The following TLL1 variants were observed in gnomAD, a reference collection of about 807,000 sequenced individuals.
TLL1 encodes the protein tolloid-like protein 1.
TLL1 carries 49 observed loss-of-function variants against 128.2 expected under a neutral mutation model. The ratio of observed to expected loss-of-function variants is 0.38; its 90% CI spans 0.30 to 0.48. TLL1 has a LOEUF of 0.48. Ranked by LOEUF, TLL1 falls within the 20% of genes least tolerant of loss-of-function variation. The pLI, the probability that TLL1 is intolerant of heterozygous loss-of-function variation, is 0.96. For missense variants in TLL1, 1,123 were observed against 1,242.0 expected (o/e 0.90, Z 1.44); for synonymous variants, 454 against 418.8 (o/e 1.08, Z -1.03).
At chr4:166,062,126 T>C (rs1269562901) in intron 15 of TLL1, among the ~76,000 whole-genome samples, 1 of 152,178 alleles carries the variant, frequency 6.6e-6, no homozygotes, top group African/African-American at 2.4e-5. Context: ...TGTAGCCTTG[T>C]AGTATAGTTT....
chr4:165,937,038 A>G (rs559581821), intron 1 of TLL1, among the ~76,000 whole-genome samples: 1 of 152,272 alleles, frequency 6.6e-6, no homozygotes, highest in African/African-American at 2.4e-5. Flanking sequence ...TGAGTATCAG[A>G]GATGGTGTTA....
At chr4:166,034,872 T>C (rs1486843731) in intron 9 of TLL1, among the ~76,000 whole-genome samples, 1 of 152,174 alleles carries the variant, frequency 6.6e-6, no homozygotes, top group Non-Finnish European at 1.5e-5. Flanking sequence ...AAGGTGCCTG[T>C]AGATTCAGGT....
chr4:166,008,445 T>TC (rs1268839096), intron 7 of TLL1, among the ~76,000 whole-genome samples: 2 of 151,568 alleles, frequency 1.3e-5, no homozygotes, highest in Non-Finnish European at 3.0e-5. Context: ...GCAGTTCTGT[T>TC]AAAATGTCAC....
At chr4:165,910,033 C>T (rs1386716291) in intron 1 of TLL1, among the ~76,000 whole-genome samples, 4 of 152,038 alleles carry the variant, frequency 2.6e-5, no homozygotes, top group African/African-American at 9.7e-5. Context: ...AATAAGAGAA[C>T]ACTTGGAACC....
At chr4:165,902,183 A>G (rs1332815052) in intron 1 of TLL1, among the ~76,000 whole-genome samples, 1 of 152,102 alleles carries the variant, frequency 6.6e-6, no homozygotes, top group Non-Finnish European at 1.5e-5. Flanking sequence ...GCTGTGCTCC[A>G]TGTGGGTGTG....
intron 14 of TLL1, among the ~76,000 whole-genome samples, chr4:166,058,082 T>G (rs746566058): frequency 3.9e-5 from 6 of 152,180 alleles, no homozygotes; most frequent in Non-Finnish European, 8.8e-5. Flanking sequence ...TTGTACATAT[T>G]AATGTATCTG....
chr4:165,907,642 A>G (rs4691225), intron 1 of TLL1, among the ~76,000 whole-genome samples: 74,592 of 150,558 alleles, frequency 0.5, 19,711 homozygotes, highest in East Asian at 0.85. Context: ...TCTGCCTCCC[A>G]GGTTCAAACG....
intron 1 of TLL1, among the ~76,000 whole-genome samples, chr4:165,895,686 A>G (rs1731643903): frequency 1.3e-5 from 2 of 149,522 alleles, no homozygotes; most frequent in Admixed American, 6.6e-5. Flanking sequence ...TAAAATTCAT[A>G]TAGAAATGCA....
chr4:165,934,974 A>G (rs1236160853), intron 1 of TLL1, among the ~76,000 whole-genome samples: 1 of 152,204 alleles, frequency 6.6e-6, no homozygotes, highest in Non-Finnish European at 1.5e-5. Context: ...GGGGTTTGTT[A>G]TTTTGTTACA....
At chr4:166,060,914 T>C (rs1740280848) in intron 15 of TLL1, among the ~76,000 whole-genome samples, 1 of 152,160 alleles carries the variant, frequency 6.6e-6, no homozygotes, top group Non-Finnish European at 1.5e-5. Flanking sequence ...TTATAAACGT[T>C]TGTTTTGTTT....
chr4:165,914,620 C>T (rs909040473), intron 1 of TLL1, among the ~76,000 whole-genome samples: 8 of 152,288 alleles, frequency 5.3e-5, no homozygotes, highest in Admixed American at 2.0e-4. Context: ...GCATAGCAAA[C>T]GGTATGGAAT....
At position 165,874,041 on chromosome 4, in the gene TLL1, A is replaced by G; in HGVS notation, c.137A>G (p.Glu46Gly). 1 of 1,614,118 alleles carries G rather than the reference A, an allele frequency of 6.2e-7. No homozygotes were observed. Among genetic ancestry groups the G allele is most frequent in the Non-Finnish European group, 8.5e-7 (1 of 1,180,024 alleles). Residue 46 changes from glutamate (E) to glycine (G), a missense_variant, in exon 1 of 21, where the codon GAG becomes GGG. Glu to Gly is a moderately conservative substitution (Grantham distance 98, BLOSUM62 -2). Coordinates refer to ENST00000061240, the MANE Select transcript of TLL1 (RefSeq NM_012464.5). The stretch of plus-strand genomic sequence containing the variant: ...GATGGGAACGAAGAGGATAAAACAG[A>G]GACTATAGATTACAAGGACCCGTGT... ...TFDGNEEDKTETIDYKDPCKA... is the reference protein window; with the variant it reads ...TFDGNEEDKTGTIDYKDPCKA...
At chr4:166,014,604 T>C (rs1288766168) in intron 8 of TLL1, 44 bp downstream of exon 8, 8 of 1,607,658 alleles carry the variant, frequency 5.0e-6, no homozygotes, top group Non-Finnish European at 6.8e-6. Flanking sequence ...TACTTGATTG[T>C]GCTCTTCCAG....
At chr4:166,050,724 C>G (rs1261829672) in intron 12 of TLL1, among the ~76,000 whole-genome samples, 2 of 152,162 alleles carry the variant, frequency 1.3e-5, no homozygotes, top group Non-Finnish European at 2.9e-5. Flanking sequence ...AGAGCTCACC[C>G]ACATGCACTG....
intron 1 of TLL1, among the ~76,000 whole-genome samples, chr4:165,940,640 T>C (rs1411177169): frequency 6.6e-6 from 1 of 152,074 alleles, no homozygotes; most frequent in Non-Finnish European, 1.5e-5. Context: ...CTCATTAATA[T>C]GCACATATGC....
intron 1 of TLL1, among the ~76,000 whole-genome samples, chr4:165,976,224 A>T (rs533683018): frequency 6.6e-6 from 1 of 152,096 alleles, no homozygotes; most frequent in African/African-American, 2.4e-5. Flanking sequence ...CAAGAGATCT[A>T]TTGGAGCCAA....
chr4:165,918,025 A>G (rs1402774865), intron 1 of TLL1, among the ~76,000 whole-genome samples: 1 of 152,184 alleles, frequency 6.6e-6, no homozygotes, highest in African/African-American at 2.4e-5. Context: ...TTTTAGACAA[A>G]TGGAAATTTT....
chr4:165,877,766 CCTT>C (rs1230148905), intron 1 of TLL1, among the ~76,000 whole-genome samples: 3 of 148,244 alleles, frequency 2.0e-5, no homozygotes, highest in South Asian at 4.2e-4. Context: ...CCCTTCTTTC[CCTT>C]CTTCTTTCTT....
chr4:165,881,789 A>G (rs967973195), intron 1 of TLL1, among the ~76,000 whole-genome samples: 1 of 152,196 alleles, frequency 6.6e-6, no homozygotes, highest in African/African-American at 2.4e-5. Flanking sequence ...AGCCTCAAGT[A>G]TATGCATTGT....
Sources: gnomAD v4.1 joint callset for allele counts (sites outside exome capture counted in the v4.1 genomes callset) on GRCh38, gnomAD v4.1.1 for gene constraint, MANE v1.5 for transcripts, NCBI Gene and HGNC (gene_info 2026-07-23, HGNC 2026-07-21) for gene names.